Variants in P2RX4 observed in about 807,000 individuals in gnomAD.
P2RX4 encodes the protein P2X purinoceptor 4.
Under a neutral mutation model 48.0 loss-of-function variants are expected in P2RX4, and 37 were observed. That is an observed-to-expected ratio of 0.77 (90% CI 0.59 to 1.01). The LOEUF is 1.01. Among genes scored for constraint, P2RX4 ranks in the 50% least tolerant of loss-of-function variants. The pLI, the probability that P2RX4 is intolerant of heterozygous loss-of-function variation, is 0.00. For synonymous variants in P2RX4, 200 were observed against 199.7 expected, an observed-to-expected ratio of 1.00 and a Z score of -0.01; for missense variants, 501 against 521.4, an observed-to-expected ratio of 0.96 and a Z score of 0.38.
intron 2 of P2RX4, 74 bp from the exon 3 acceptor site, chr12:121,221,839 A>C: frequency 8.0e-7 from 1 of 1,245,990 alleles, no homozygotes. Context: ...TGTCCTCTTC[A>C]GTCAGCGTCT....
intron 1 of P2RX4, among the ~76,000 whole-genome samples, chr12:121,210,974 C>T (rs1183690452): frequency 6.6e-6 from 1 of 152,140 alleles, no homozygotes; most frequent in East Asian, 1.9e-4. Context: ...GGCTTTTGGT[C>T]ATTTCTTTTG....
intron 1 of P2RX4, among the ~76,000 whole-genome samples, chr12:121,211,263 C>T (rs780184953): frequency 6.6e-6 from 1 of 151,274 alleles, no homozygotes; most frequent in East Asian, 2.0e-4. Flanking sequence ...AGTGCAATGG[C>T]ACGATCTCGG....
At chr12:121,223,467 T>G in intron 5 of P2RX4, 1 of 204,146 alleles carries the variant, frequency 4.9e-6, no homozygotes, top group South Asian at 8.1e-5. Flanking sequence ...GTGTTGTGGC[T>G]TTTTGTGTGT....
intron 5 of P2RX4, among the ~76,000 whole-genome samples, chr12:121,226,314 C>G (rs145961554): frequency 6.6e-6 from 1 of 151,376 alleles, no homozygotes; most frequent in African/African-American, 2.4e-5. Flanking sequence ...GAGGCAGAGA[C>G]GGGTGGATCA....
rs201921609 is a variant in P2RX4, at chr12:121,233,482, G to C, written c.1141-41G>C. On this transcript the variant is annotated intron_variant, in intron 11 of 11. Coordinates refer to ENST00000337233, the MANE Select transcript of P2RX4 (RefSeq NM_002560.3). The stretch of plus-strand genomic sequence containing the variant: ...ACCTCCCTCCCGCCTGCCACAAGGG[G>C]TCCCAGGGGCACCTTGATCTGCTTG... 31 of 1,592,746 alleles carry C rather than the reference G, an allele frequency of 1.9e-5. No homozygotes were observed. The East Asian group carries it at 7.0e-4, about 36-fold the overall frequency.
In P2RX4 at chr12:121,210,135, A is replaced by C; in HGVS notation, c.-30A>C. The C allele has an allele frequency of 6.6e-7, 1 of 1,505,922 alleles. No individual in the cohort carries two copies. Among genetic ancestry groups the C allele is most frequent in the Non-Finnish European group, 8.8e-7 (1 of 1,134,152 alleles). 93.3% of individuals were successfully genotyped at this position (1,505,922 alleles called of 1,614,324 possible). ...CGAGCGGGGACTGGGACCCAGACCGACTAGGGGACTGGGAGCGGGCGGCGC... is the reference window on the plus strand; with the variant it reads ...CGAGCGGGGACTGGGACCCAGACCGCCTAGGGGACTGGGAGCGGGCGGCGC... On this transcript the variant is annotated 5_prime_UTR_variant, in exon 1 of 12. Transcript: ENST00000337233.
At chr12:121,231,109 G>A (rs921171022) in intron 8 of P2RX4, among the ~76,000 whole-genome samples, 5 of 151,062 alleles carry the variant, frequency 3.3e-5, no homozygotes, top group East Asian at 1.9e-4. Context: ...TGCCTCAGCC[G>A]CCTGAGTAGC....
At chr12:121,212,806 A>AT (rs1885951534) in intron 1 of P2RX4, 1 of 30,306 alleles carries the variant, frequency 3.3e-5, no homozygotes, top group African/African-American at 1.5e-4. Context: ...ATATATATAT[A>AT]TATATATATA....
chr12:121,232,773 T>TCTAAA lies in P2RX4; in HGVS notation c.1044+100_1044+104dup. Reference sequence around the variant, plus strand: ...CTAGGCCCTAGACCTCAGATGTGTTTCTAAACTTGACCCTCCTACCTTCTT... The same window carrying TCTAAA: ...CTAGGCCCTAGACCTCAGATGTGTTTCTAAACTAAACTTGACCCTCCTACCTTCTT... On this transcript the variant is annotated intron_variant, in intron 10 of 11. Coordinates refer to ENST00000337233, the MANE Select transcript of P2RX4 (RefSeq NM_002560.3). This position sits in a 1 kb window ranked among gnomAD's most constrained non-coding sequence, Gnocchi z 4.3. The TCTAAA allele has an allele frequency of 1.8e-6, 2 of 1,106,236 alleles. No homozygotes were observed. Among genetic ancestry groups the TCTAAA allele is most frequent in the Non-Finnish European group, 2.8e-6 (2 of 725,788 alleles). 68.5% of individuals were successfully genotyped at this position (1,106,236 alleles called of 1,614,324 possible). A position where few individuals can be genotyped will look rare whatever the true frequency, so the allele number is the denominator to read the frequency against.
intron 1 of P2RX4, chr12:121,215,890 A>G (rs1004680328): frequency 2.6e-5 from 4 of 152,134 alleles, no homozygotes; most frequent in African/African-American, 9.7e-5. Context: ...ACTTCAGAGG[A>G]GAGAACCATA....
chr12:121,211,480 C>T (rs776970551), intron 1 of P2RX4, among the ~76,000 whole-genome samples: 4 of 152,060 alleles, frequency 2.6e-5, no homozygotes, highest in East Asian at 1.9e-4. Context: ...TGAGCCCCCA[C>T]GCGGGGCTGG....
chr12:121,219,319 G>T (rs1263935708), intron 2 of P2RX4, among the ~76,000 whole-genome samples: 1 of 152,170 alleles, frequency 6.6e-6, no homozygotes. Flanking sequence ...CCGTGGGGTT[G>T]GGGATGTCTA....
At chr12:121,227,831 G>A (rs1351212283) in intron 5 of P2RX4, among the ~76,000 whole-genome samples, 3 of 151,712 alleles carry the variant, frequency 2.0e-5, no homozygotes, top group African/African-American at 4.8e-5. Flanking sequence ...GCCCACTCCT[G>A]TAGTCCAGCA....
chr12:121,211,393 G>A (rs141959733), intron 1 of P2RX4, among the ~76,000 whole-genome samples: 133 of 152,058 alleles, frequency 8.7e-4, no homozygotes, highest in Non-Finnish European at 1.7e-3. Flanking sequence ...TAGTAGAGAC[G>A]GGGTTTCAGG....
intron 1 of P2RX4, chr12:121,213,472 G>A (rs1208392119): frequency 6.6e-6 from 1 of 152,154 alleles, no homozygotes; most frequent in Non-Finnish European, 1.5e-5. Flanking sequence ...TTTTATTGAT[G>A]ACATGTTAAA....
At chr12:121,220,864 T>C (rs1421567849) in intron 2 of P2RX4, among the ~76,000 whole-genome samples, 1 of 152,210 alleles carries the variant, frequency 6.6e-6, no homozygotes, top group Non-Finnish European at 1.5e-5. Flanking sequence ...TTCTGGAAAT[T>C]TCACATCAAT....
intron 1 of P2RX4, chr12:121,215,928 G>C (rs1363778893): frequency 1.3e-5 from 2 of 152,118 alleles, no homozygotes; most frequent in Non-Finnish European, 2.9e-5. Context: ...TGGGGGAAAA[G>C]TAAGAAACTA....
At chr12:121,218,692 C>T (rs1886381066) in intron 2 of P2RX4, among the ~76,000 whole-genome samples, 1 of 152,102 alleles carries the variant, frequency 6.6e-6, no homozygotes, top group Non-Finnish European at 1.5e-5. Flanking sequence ...GAAAGGAGCA[C>T]CCCACAACTC....
chr12:121,233,717 CTGTT>C lies in P2RX4; in HGVS notation c.*171_*174del. 1 of 1,473,514 alleles carries C rather than the reference CTGTT, an allele frequency of 6.8e-7. No individual in the cohort carries two copies. The highest frequency in any genetic ancestry group is 1.4e-5 in the African/African-American group (1 of 71,354). 91.3% of individuals were successfully genotyped at this position (1,473,514 alleles called of 1,614,324 possible). ...AGCTCCTGTGTGTTGTGTGCAGGATCTGTTTGCCCACTCGGCCCAGGAGGTCAGC... is the reference window on the plus strand; with the variant it reads ...AGCTCCTGTGTGTTGTGTGCAGGATCTGCCCACTCGGCCCAGGAGGTCAGC... On this transcript the variant is annotated 3_prime_UTR_variant, in exon 12 of 12. Transcript: ENST00000337233.
Sources: gnomAD v4.1 joint callset for allele counts (sites outside exome capture counted in the v4.1 genomes callset) on GRCh38, gnomAD v4.1.1 for gene constraint, Gnocchi (gnomAD v3.1) non-coding constraint, MANE v1.5 for transcripts, NCBI Gene and HGNC (gene_info 2026-07-23, HGNC 2026-07-21) for gene names.